ZMAT4: variants seen among roughly 807,000 people sequenced by gnomAD.
The protein encoded by ZMAT4 is zinc finger matrin-type protein 4.
Under a neutral mutation model 28.7 loss-of-function variants are expected in ZMAT4, and 17 were observed. The ratio of observed to expected loss-of-function variants is 0.59; its 90% confidence interval spans 0.41 to 0.89. The LOEUF is 0.89. ZMAT4 is among the 40% of genes least tolerant of loss of function. ZMAT4 has a pLI of 0.00. For missense variants in ZMAT4, 240 were observed against 283.8 expected, an observed-to-expected ratio of 0.85 and a Z score of 1.11; for synonymous variants, 117 against 109.2, an observed-to-expected ratio of 1.07 and a Z score of -0.44.
chr8:40,564,946 T>C (rs1340232552), intron 6 of ZMAT4, among the ~76,000 whole-genome samples: 4 of 152,318 alleles, frequency 2.6e-5, no homozygotes, highest in Non-Finnish European at 2.9e-5. Flanking sequence ...GCAGTTCTTG[T>C]TAACAAAATC....
chr8:40,842,963 G>C (rs1816754546), intron 1 of ZMAT4, among the ~76,000 whole-genome samples: 1 of 152,140 alleles, frequency 6.6e-6, no homozygotes, highest in Non-Finnish European at 1.5e-5. Context: ...TTTTAGTAGA[G>C]ATGGGGTTTC....
intron 5 of ZMAT4, among the ~76,000 whole-genome samples, chr8:40,617,710 G>T (rs1806059176): frequency 6.6e-6 from 1 of 152,156 alleles, no homozygotes; most frequent in Non-Finnish European, 1.5e-5. Context: ...CTTAAAAGTT[G>T]AAGCAGGGTC....
At chr8:40,843,815 A>C (rs1294434757) in intron 1 of ZMAT4, among the ~76,000 whole-genome samples, 4 of 152,236 alleles carry the variant, frequency 2.6e-5, no homozygotes, top group Non-Finnish European at 4.4e-5. Context: ...CAGAGAAATG[A>C]AAATCAGTTG....
chr8:40,548,299 A>C (rs1048860555), intron 6 of ZMAT4, among the ~76,000 whole-genome samples: 3 of 152,104 alleles, frequency 2.0e-5, no homozygotes, highest in African/African-American at 7.2e-5. Context: ...ATTAAAAAAA[A>C]ACAGAGAAGG....
intron 5 of ZMAT4, among the ~76,000 whole-genome samples, chr8:40,622,746 G>C (rs1416334370): frequency 1.3e-5 from 2 of 152,164 alleles, no homozygotes; most frequent in Non-Finnish European, 2.9e-5. Flanking sequence ...ACAGCAAGAT[G>C]CCAGGCTCTT....
At chr8:40,719,216 G>A (rs899170076) in intron 3 of ZMAT4, among the ~76,000 whole-genome samples, 2 of 152,020 alleles carry the variant, frequency 1.3e-5, no homozygotes, top group Admixed American at 6.6e-5. Flanking sequence ...CTGAGACGGC[G>A]AATTATGAGG....
In ZMAT4 at chr8:40,881,155, ATCG is replaced by A. The variant is rs1818207411; in HGVS notation, c.-5+16525_-5+16527del. On this transcript the variant is annotated intron_variant, in intron 1 of 6. Coordinates refer to ENST00000297737, the MANE Select transcript of ZMAT4 (RefSeq NM_024645.3). ...TGCTTTGAGAGGCCGAACTGGGAGG[ATCG>A]TTTGAGGCCAGGAGTTCAAGATCAG... Among the ~76,000 whole-genome samples the A allele has an allele frequency of 1.3e-5, 2 of 151,964 alleles. 1 individual carries two copies. The highest frequency in any genetic ancestry group is 4.2e-4 in the South Asian group (2 of 4,816).
At chr8:40,772,031 G>T (rs1349295104) in intron 2 of ZMAT4, among the ~76,000 whole-genome samples, 1 of 152,156 alleles carries the variant, frequency 6.6e-6, no homozygotes. Flanking sequence ...GGGAAAAAAA[G>T]AACCATTACA....
chr8:40,735,868 GAGAA>G (rs1236184614), intron 3 of ZMAT4, among the ~76,000 whole-genome samples: 1 of 152,140 alleles, frequency 6.6e-6, no homozygotes, highest in Admixed American at 6.5e-5. Context: ...TCCTTTTCCA[GAGAA>G]AGAAAGAGGC....
At chr8:40,896,551 T>A (rs1054835209) in intron 1 of ZMAT4, among the ~76,000 whole-genome samples, 1 of 152,214 alleles carries the variant, frequency 6.6e-6, no homozygotes, top group Non-Finnish European at 1.5e-5. Context: ...TGCTTCCCCA[T>A]GGGTCCCTGC....
At position 40,614,368 on chromosome 8, in the gene ZMAT4, A is replaced by G. The variant is rs574556645; in HGVS notation, c.578-33107T>C. 5.7e-4 allele frequency among the ~76,000 whole-genome samples: 87 copies of G among 152,354 alleles called. 2 individuals are homozygous for G. Among genetic ancestry groups the G allele is most frequent in the African/African-American group, 2.0e-3 (85 of 41,588 alleles). ...GGAAAATAAAAAATAAATAGTTATT[A>G]GTTTAAAAGCTTGTCAGAAGAATGT... On this transcript the variant is annotated intron_variant, in intron 5 of 6. Coordinates refer to ENST00000297737, the MANE Select transcript of ZMAT4 (RefSeq NM_024645.3).
chr8:40,745,868 T>C (rs1265528143), intron 3 of ZMAT4, among the ~76,000 whole-genome samples: 1 of 152,216 alleles, frequency 6.6e-6, no homozygotes, highest in Admixed American at 6.5e-5. Flanking sequence ...ATATATGTTA[T>C]TGAACATACA....
intron 5 of ZMAT4, among the ~76,000 whole-genome samples, chr8:40,603,154 A>T (rs1805456448): frequency 6.6e-6 from 1 of 152,170 alleles, no homozygotes; most frequent in Non-Finnish European, 1.5e-5. Context: ...CTTGCCAATT[A>T]TCCCAGCACC....
Position 40,674,709 on chromosome 8 carries a change from A to G in ZMAT4, c.572T>C (p.Leu191Pro). The G allele has an allele frequency of 6.2e-7, 1 of 1,613,734 alleles. No individual in the cohort carries two copies. The highest frequency in any genetic ancestry group is 8.5e-7 in the Non-Finnish European group (1 of 1,179,714). ...QLGTTLDMGELRGLRRNYRCT... is the reference protein window; with the variant it reads ...QLGTTLDMGEPRGLRRNYRCT... Reference sequence around the variant, plus strand: ...GTGAGAAGAGCTGCCCTTACCTCTCAGTTCCCCCATATCCAGGGTTGTCCC... The same window carrying G: ...GTGAGAAGAGCTGCCCTTACCTCTCGGTTCCCCCATATCCAGGGTTGTCCC... The change falls in exon 5 of 7, where the codon CTG becomes CCG. Residue 191 changes from leucine to proline, a missense_variant. Physicochemically the swap from Leu to Pro is moderately conservative, Grantham distance 98 (BLOSUM62 -3). Transcript: ENST00000297737.
Position 40,700,406 on chromosome 8 carries a change from C to CTTTTTTTTTTTTTTTTTTTT in ZMAT4, c.193-3006_193-3005insAAAAAAAAAAAAAAAAAAAA, listed in dbSNP as rs749363248. Among the ~76,000 whole-genome samples, 10 of 60,768 alleles carry CTTTTTTTTTTTTTTTTTTTT rather than the reference C, an allele frequency of 1.6e-4. 5 individuals are homozygous for CTTTTTTTTTTTTTTTTTTTT. Among genetic ancestry groups the CTTTTTTTTTTTTTTTTTTTT allele is most frequent in the Non-Finnish European group, 1.2e-4 (4 of 32,350 alleles). The allele number at this position is 60,768 out of a possible 152,430, so 39.9% of individuals were successfully genotyped here. A position where few individuals can be genotyped will look rare whatever the true frequency, so the allele number is the denominator to read the frequency against. Reference sequence around the variant, plus strand: ...TCACTTCCTTGAGGGGAAGCTGCTGCTTTTCTTTTTTTTTTTTTTTTTTTT... The same window carrying CTTTTTTTTTTTTTTTTTTTT: ...TCACTTCCTTGAGGGGAAGCTGCTGCTTTTTTTTTTTTTTTTTTTTTTTTCTTTTTTTTTTTTTTTTTTTT... On this transcript the variant is annotated intron_variant, in intron 3 of 6. Coordinates refer to ENST00000297737, the MANE Select transcript of ZMAT4 (RefSeq NM_024645.3).
chr8:40,640,301 G>A (rs1031029332), intron 5 of ZMAT4, among the ~76,000 whole-genome samples: 5 of 152,098 alleles, frequency 3.3e-5, no homozygotes, highest in African/African-American at 1.2e-4. Context: ...TAATGTTCTG[G>A]ATGACTTTGC....
At chr8:40,671,735 A>C (rs1399268661) in intron 5 of ZMAT4, among the ~76,000 whole-genome samples, 1 of 152,230 alleles carries the variant, frequency 6.6e-6, no homozygotes, top group African/African-American at 2.4e-5. Context: ...TGGGTTACAC[A>C]GGTGTTTGCA....
chr8:40,601,588 AAG>A lies in ZMAT4; in HGVS notation c.578-20329_578-20328del, dbSNP rs1420827025. Reference sequence around the variant, plus strand: ...GAAGAAAGAAAGAAAGAAAGAAAGAAAGAAAGAAAGAAAGAAAGAAAGAAAGA... The same window carrying A: ...GAAGAAAGAAAGAAAGAAAGAAAGAAAAAGAAAGAAAGAAAGAAAGAAAGA... On this transcript the variant is annotated intron_variant, in intron 5 of 6. Transcript: ENST00000297737. Among the ~76,000 whole-genome samples the A allele has an allele frequency of 3.9e-4, 3 of 7,774 alleles. 1 individual carries two copies. Among genetic ancestry groups the A allele is most frequent in the East Asian group, 0.02 (2 of 98 alleles). 5.1% of individuals were successfully genotyped at this position (7,774 alleles called of 152,430 possible).
intron 1 of ZMAT4, among the ~76,000 whole-genome samples, chr8:40,884,016 C>T (rs867829293): frequency 2.6e-5 from 4 of 152,168 alleles, no homozygotes; most frequent in Admixed American, 6.5e-5. Flanking sequence ...GATTTAGAGA[C>T]GCAGCACAAC....
Sources: allele counts gnomAD v4.1 joint callset (sites outside exome capture counted in the v4.1 genomes callset), GRCh38; gene constraint gnomAD v4.1.1; transcripts MANE v1.5; gene names NCBI Gene and HGNC (gene_info 2026-07-23, HGNC 2026-07-21).